The following AARS1 variants were observed in gnomAD, a reference collection of about 807,000 sequenced individuals.
AARS1 encodes the protein alanine--tRNA ligase, cytoplasmic.
A neutral mutation model predicts 108.9 loss-of-function variants in AARS1; 72 were observed. That is an observed-to-expected ratio of 0.66 (90% confidence interval 0.55 to 0.80). The LOEUF (loss-of-function observed/expected upper bound fraction) is 0.80, where lower values mean the gene tolerates loss of function less well. AARS1 is among the 30% of genes least tolerant of loss of function. The pLI is 0.00. For missense variants in AARS1, 1,193 were observed against 1,233.2 expected (o/e 0.97, Z 0.49); for synonymous variants, 489 against 465.7 (o/e 1.05, Z -0.64).
chr16:70,285,019 C>G (rs1362489181), intron 1 of AARS1, among the ~76,000 whole-genome samples: 2 of 152,150 alleles, frequency 1.3e-5, no homozygotes, highest in Non-Finnish European at 2.9e-5. Flanking sequence ...CACCTGAGGT[C>G]AGGAGTTGAA....
chr16:70,276,987 C>T lies in AARS1; in HGVS notation c.312G>A (p.Trp104Ter), dbSNP rs1398433261. 6.2e-7 allele frequency: 1 copy of T among 1,614,040 alleles called. No homozygotes were observed. The highest frequency in any genetic ancestry group is 1.3e-5 in the African/African-American group (1 of 74,920). The change falls in exon 3 of 21, where the codon TGG becomes TGA. Residue 104 changes from tryptophan to a stop codon, truncating the protein, a stop_gained. Coordinates refer to ENST00000261772, the MANE Select transcript of AARS1 (RefSeq NM_001605.3). LOFTEE classifies it high-confidence loss of function. ...TTACCTTAAAGTAATCTCCAAAAGA[C>T]CAAGAGCCCAGCATCTCGAAGAAGG... ...HHTFFEMLGS[W>*]SFGDYFKELA...
intron 2 of AARS1, among the ~76,000 whole-genome samples, chr16:70,280,082 A>G (rs922228436): frequency 6.6e-6 from 1 of 151,628 alleles, no homozygotes; most frequent in African/African-American, 2.4e-5. Context: ...ATTTTTCTTT[A>G]ATTTTTCTCT....
intron 5 of AARS1, among the ~76,000 whole-genome samples, chr16:70,271,282 A>C (rs994659799): frequency 6.6e-6 from 1 of 151,932 alleles, no homozygotes; most frequent in Non-Finnish European, 1.5e-5. Flanking sequence ...TAATCCCAGC[A>C]CTTTGGGAGG....
At chr16:70,265,316 G>C in intron 10 of AARS1, 1 of 908,854 alleles carries the variant, frequency 1.1e-6, no homozygotes, top group Non-Finnish European at 1.7e-6. Context: ...TACCAAGTAC[G>C]TGACAGCAGG....
At chr16:70,252,948 G>A (rs888068536) in intron 20 of AARS1, 42 bp from the exon 21 acceptor site, 13 of 1,593,996 alleles carry the variant, frequency 8.2e-6, no homozygotes, top group Non-Finnish European at 1.1e-5. Flanking sequence ...ACAGAAGATG[G>A]GATTGAGGGA....
Position 70,258,196 on chromosome 16 carries a change from G to A in AARS1, c.2014C>T (p.Pro672Ser), listed in dbSNP as rs1960039675. The change falls in exon 15 of 21, where the codon CCC becomes TCC. Residue 672 changes from proline (P) to serine (S), a missense_variant. By Grantham distance (74) the Pro-to-Ser change is moderately conservative. Transcript: ENST00000261772. ...TGGATGGCTTTCGCTGCTGCCAGGGGGCAATCCTGGGTATAGACGGCCTGC... is the reference window on the plus strand; with the variant it reads ...TGGATGGCTTTCGCTGCTGCCAGGGAGCAATCCTGGGTATAGACGGCCTGC... ...AAKAVYTQDCPLAAAKAIQGL... is the reference protein window; with the variant it reads ...AAKAVYTQDCSLAAAKAIQGL... The A allele has an allele frequency of 1.3e-6, 2 of 1,598,420 alleles. No homozygotes were observed. The highest frequency in any genetic ancestry group is 1.7e-6 in the Non-Finnish European group (2 of 1,171,770).
intron 1 of AARS1, among the ~76,000 whole-genome samples, chr16:70,285,007 A>G (rs144848453): frequency 0.013 from 1,916 of 152,274 alleles, 123 homozygotes; most frequent in Admixed American, 0.11. Flanking sequence ...AGGTGGGTGG[A>G]TCACCTGAGG....
At position 70,258,276 on chromosome 16, in the gene AARS1, G is replaced by A. The variant is rs540154414; in HGVS notation, c.1993-59C>T. The A allele has an allele frequency of 6.2e-5, 95 of 1,536,626 alleles. No homozygotes were observed. The African/African-American group carries it at 8.0e-4, about 13-fold the overall frequency. On this transcript the variant is annotated intron_variant, in intron 14 of 20. Transcript: ENST00000261772. ...GAGATCCCTGGAGGTGCGGTACGAC[G>A]AGGCAGGAAAGCATGGTCCTGCAGG...
intron 4 of AARS1, among the ~76,000 whole-genome samples, chr16:70,274,102 G>A (rs562349210): frequency 7.9e-5 from 12 of 151,198 alleles, no homozygotes; most frequent in African/African-American, 2.2e-4. Flanking sequence ...TTGGGAGGCC[G>A]AGGTGGGTGA....
chr16:70,254,273 GGGAA>G, intron 17 of AARS1: 1 of 620,380 alleles, frequency 1.6e-6, no homozygotes, highest in Non-Finnish European at 2.8e-6. Flanking sequence ...TTACCAGGCT[GGGAA>G]CAGCCTGTGA....
At chr16:70,259,881 T>G (rs1250219301) in intron 13 of AARS1, among the ~76,000 whole-genome samples, 4 of 152,118 alleles carry the variant, frequency 2.6e-5, no homozygotes, top group Non-Finnish European at 4.4e-5. Context: ...CAAGCGATTC[T>G]CCTGCCTCAG....
At chr16:70,283,199 C>A (rs1440051507) in intron 1 of AARS1, among the ~76,000 whole-genome samples, 4 of 152,042 alleles carry the variant, frequency 2.6e-5, no homozygotes, top group African/African-American at 9.7e-5. Flanking sequence ...GAGTTCAAGA[C>A]CAGCCTGGCC....
rs570266481 is a variant in AARS1 at position 70,258,328 on chromosome 16, G to T, written c.1993-111C>A. On this transcript the variant is annotated intron_variant, in intron 14 of 20. Coordinates refer to ENST00000261772, the MANE Select transcript of AARS1 (RefSeq NM_001605.3). The stretch of plus-strand genomic sequence containing the variant: ...AGGACTCGGGTTCCAACCTGGCTTG[G>T]CCTAGCACGTGCCATGAGCTTCCTC... 8.3e-6 allele frequency: 10 copies of T among 1,204,952 alleles called. No individual in the cohort carries two copies. In the South Asian group the frequency reaches 1.2e-4, roughly 14 times the overall value. The allele number at this position is 1,204,952 out of a possible 1,614,324, so 74.6% of individuals were successfully genotyped here.
chr16:70,270,249 T>A lies in AARS1; in HGVS notation c.763A>T (p.Met255Leu), dbSNP rs144753427. The A allele has an allele frequency of 6.2e-7, 1 of 1,614,206 alleles. No individual in the cohort carries two copies. The highest frequency in any genetic ancestry group is 8.5e-7 in the Non-Finnish European group (1 of 1,180,034). The change falls in exon 6 of 21, where the codon ATG becomes TTG. Residue 255 changes from methionine (M) to leucine (L), a missense_variant. Transcript: ENST00000261772. The part of the protein sequence containing the change: ...ERLVSVLQNK[M>L]SNYDTDLFVP... The stretch of plus-strand genomic sequence containing the variant: ...AAAAGGTCAGTGTCATAGTTGGACA[T>A]CTTATTCTGCAGCACAGATACCAGT...
At position 70,269,746 on chromosome 16, in the gene AARS1, T is replaced by C. The variant is rs138977601; in HGVS notation, c.834A>G (p.Pro278=). 4 of 1,613,974 alleles carry C rather than the reference T, an allele frequency of 2.5e-6. No homozygotes were observed. The African/African-American group carries it at 4.0e-5, about 16-fold the overall frequency. The change falls in exon 7 of 21, where the codon CCA becomes CCG. Residue 278 remains proline, a synonymous_variant. Coordinates refer to ENST00000261772, the MANE Select transcript of AARS1 (RefSeq NM_001605.3). ...EAIQKGTGAR[P]YTGKVGAEDA... ...CCTCAGCACCAACTTTCCCAGTGTA[T>C]GGTCGGGCACCTGTGCCCTATAGAT...
At chr16:70,272,335 TC>T (rs1960426570) in intron 4 of AARS1, among the ~76,000 whole-genome samples, 1 of 150,050 alleles carries the variant, frequency 6.7e-6, no homozygotes, top group Admixed American at 6.7e-5. Flanking sequence ...AGAAACCTTG[TC>T]TCTACTAAAA....
chr16:70,263,172 G>A (rs910211095), intron 11 of AARS1, among the ~76,000 whole-genome samples: 5 of 151,946 alleles, frequency 3.3e-5, no homozygotes, highest in African/African-American at 1.2e-4. Context: ...GAAACTTGGT[G>A]CATCAGATTA....
In AARS1 at chr16:70,255,604, G is replaced by A. The variant is rs1039089865; in HGVS notation, c.2286+124C>T. The A allele has an allele frequency of 3.9e-5, 33 of 848,264 alleles. No individual in the cohort carries two copies. In the African/African-American group the frequency reaches 5.2e-4, roughly 13 times the overall value. 52.5% of individuals were successfully genotyped at this position (848,264 alleles called of 1,614,324 possible). ...GGTAGGACACTGGGGCAGGGGGAGT[G>A]GCCCAGCCTGTACTTTCACTCTGAC... On this transcript the variant is annotated intron_variant, in intron 16 of 20. Transcript: ENST00000261772.
chr16:70,254,380 A>G (rs1175881243), intron 17 of AARS1: 1 of 589,526 alleles, frequency 1.7e-6, no homozygotes, highest in Non-Finnish European at 3.0e-6. Flanking sequence ...CCTCCACCCC[A>G]GTGCCCATAC....
Sources: allele counts gnomAD v4.1 joint callset (sites outside exome capture counted in the v4.1 genomes callset), GRCh38; gene constraint gnomAD v4.1.1; transcripts MANE v1.5; gene names NCBI Gene and HGNC (gene_info 2026-07-23, HGNC 2026-07-21).